Variants in TMCC2 observed in about 807,000 individuals in gnomAD.
TMCC2 encodes transmembrane and coiled-coil domains protein 2.
A neutral mutation model predicts 49.4 loss-of-function variants in TMCC2; 16 were observed. The observed-to-expected ratio is 0.32, with a 90% CI of 0.22 to 0.49. The LOEUF is 0.49. TMCC2 is among the 20% of genes least tolerant of loss of function. TMCC2 has a pLI of 0.99. For missense variants in TMCC2, 762 were observed against 989.8 expected, an observed-to-expected ratio of 0.77 and a Z score of 3.09; for synonymous variants, 397 against 434.1, an observed-to-expected ratio of 0.91 and a Z score of 1.06.
chr1:205,241,420 G>C lies in TMCC2; in HGVS notation c.208-85G>C. On this transcript the variant is annotated intron_variant, in intron 1 of 4. Transcript: ENST00000358024. This position sits in a 1 kb window ranked among gnomAD's most constrained non-coding sequence, Gnocchi z 7.3. ...GCATTAGCTATGCCAGTCTACCAAG[G>C]ACAGACCCTTCACCTTCACCCTCCT... 3 of 1,421,360 alleles carry C rather than the reference G, an allele frequency of 2.1e-6. No individual in the cohort carries two copies. The highest frequency in any genetic ancestry group is 2.9e-6 in the Non-Finnish European group (3 of 1,034,192). 88.0% of individuals were successfully genotyped at this position (1,421,360 alleles called of 1,614,324 possible).
chr1:205,254,398 T>C (rs1264272266), intron 2 of TMCC2, among the ~76,000 whole-genome samples: 1 of 152,154 alleles, frequency 6.6e-6, no homozygotes, highest in East Asian at 1.9e-4. Context: ...ACAGGGCCTT[T>C]CCCACCATGC....
At chr1:205,230,373 C>CT (rs1412015238) in intron 1 of TMCC2, among the ~76,000 whole-genome samples, 1 of 152,198 alleles carries the variant, frequency 6.6e-6, no homozygotes, top group Non-Finnish European at 1.5e-5. Flanking sequence ...GATAGGCTCT[C>CT]TCTGCACAAG....
intron 2 of TMCC2, among the ~76,000 whole-genome samples, chr1:205,244,833 G>C (rs537929517): frequency 6.6e-6 from 1 of 152,180 alleles, no homozygotes; most frequent in East Asian, 1.9e-4. Context: ...GTGGAGAAAA[G>C]GAGATGGGGG....
At chr1:205,233,751 A>T (rs188988293) in intron 1 of TMCC2, 1 of 152,296 alleles carries the variant, frequency 6.6e-6, no homozygotes, top group Admixed American at 6.5e-5. Context: ...GAAAAAAAAA[A>T]ACTGACATTC....
intron 1 of TMCC2, chr1:205,230,312 C>T (rs12125276): frequency 0.31 from 119,142 of 385,386 alleles, 22,524 homozygotes; most frequent in Non-Finnish European, 0.36. Flanking sequence ...GTTCTGCCGC[C>T]GTCCTTTTCA....
intron 2 of TMCC2, chr1:205,246,838 G>A (rs1479324969): frequency 1.3e-6 from 1 of 791,638 alleles, no homozygotes; most frequent in Non-Finnish European, 2.0e-6. Context: ...TCCTGAGCAG[G>A]GGGAAGACGT....
At chr1:205,243,251 G>A (rs1416770929) in intron 2 of TMCC2, among the ~76,000 whole-genome samples, 2 of 152,216 alleles carry the variant, frequency 1.3e-5, no homozygotes, top group East Asian at 1.9e-4. Flanking sequence ...AGGCATGGTG[G>A]TGGGCGACTG....
At chr1:205,231,109 G>A (rs1037423027) in intron 1 of TMCC2, among the ~76,000 whole-genome samples, 1 of 150,714 alleles carries the variant, frequency 6.6e-6, no homozygotes, top group African/African-American at 2.4e-5. Flanking sequence ...AAACAAGCAG[G>A]GCTTTTCCTG....
chr1:205,241,599 C>A lies in TMCC2; in HGVS notation c.302C>A (p.Thr101Lys). The A allele has an allele frequency of 6.2e-7, 1 of 1,613,990 alleles. No homozygotes were observed. Reference protein sequence around the residue: ...RRRSREREHQTSQDSQQHQQQ... With the variant: ...RRRSREREHQKSQDSQQHQQQ... ...CGGTCTCGGGAAAGGGAGCACCAGA[C>A]GTCTCAGGATTCCCAGCAGCATCAG... The change falls in exon 2 of 5, where the codon ACG (threonine) becomes AAG (lysine). Residue 101 changes from threonine to lysine, a missense_variant. By Grantham distance (78) the Thr-to-Lys change is moderately conservative. Coordinates refer to ENST00000358024, the MANE Select transcript of TMCC2 (RefSeq NM_014858.4). The surrounding 1 kb of genome is among the most constrained non-coding windows in gnomAD (Gnocchi z 7.3).
At chr1:205,229,559 T>TGGGGGGGGGG (rs1659706107) in intron 1 of TMCC2, 2 of 189,972 alleles carry the variant, frequency 1.1e-5, no homozygotes, top group Non-Finnish European at 1.2e-5. Context: ...GGGGGGGGGG[T>TGGGGGGGGGG]GGTGGCGGGG....
chr1:205,230,200 T>C, intron 1 of TMCC2: 1 of 982,784 alleles, frequency 1.0e-6, no homozygotes, highest in Non-Finnish European at 1.2e-6. Context: ...CTGTGTATGT[T>C]ACCTGTCTGT....
Position 205,228,499 on chromosome 1 carries a change from G to A in TMCC2, c.-66G>A. On this transcript the variant is annotated 5_prime_UTR_variant, in exon 1 of 5. Transcript: ENST00000358024. ...CCCAGGCCTCATATGAATATAAGAG[G>A]GGGTGCGGTCTTCCCCAAGACGGCG... 1 of 1,397,682 alleles carries A rather than the reference G, an allele frequency of 7.2e-7. No homozygotes were observed. Among genetic ancestry groups the A allele is most frequent in the Non-Finnish European group, 9.9e-7 (1 of 1,013,562 alleles). 86.6% of individuals were successfully genotyped at this position (1,397,682 alleles called of 1,614,324 possible).
intron 2 of TMCC2, among the ~76,000 whole-genome samples, chr1:205,246,036 C>T (rs1056487261): frequency 2.0e-5 from 3 of 151,982 alleles, no homozygotes; most frequent in Non-Finnish European, 2.9e-5. Flanking sequence ...CTCAGCCTCC[C>T]GAAGTGCTGT....
At chr1:205,258,166 C>T (rs570903956) in intron 2 of TMCC2, among the ~76,000 whole-genome samples, 417 of 152,228 alleles carry the variant, frequency 2.7e-3, no homozygotes, top group Non-Finnish European at 4.8e-3. Context: ...TAATAGGCAG[C>T]TGGCTCTGCA....
At chr1:205,262,557 G>A (rs973042923) in intron 2 of TMCC2, among the ~76,000 whole-genome samples, 2 of 152,326 alleles carry the variant, frequency 1.3e-5, no homozygotes, top group African/African-American at 2.4e-5. Flanking sequence ...AGGATGGGGG[G>A]ATGTCTGCTA....
rs1325732295 is a variant in TMCC2 at position 205,228,534 on chromosome 1, G to C, written c.-31G>C. 1.1e-5 allele frequency: 18 copies of C among 1,574,850 alleles called. No individual in the cohort carries two copies. Among genetic ancestry groups the C allele is most frequent in the Non-Finnish European group, 1.6e-5 (18 of 1,154,320 alleles). ...CTTCCCCAAGACGGCGCGCTGGAAG[G>C]ACAGATTCCCCTTGCCGACCCACAT... is the stretch of plus-strand genomic sequence containing the variant. On this transcript the variant is annotated 5_prime_UTR_variant, in exon 1 of 5. Coordinates refer to ENST00000358024, the MANE Select transcript of TMCC2 (RefSeq NM_014858.4).
intron 1 of TMCC2, among the ~76,000 whole-genome samples, chr1:205,233,247 C>A (rs956576697): frequency 4.6e-5 from 7 of 152,160 alleles, no homozygotes. Context: ...CACAAAAGCC[C>A]CTTTAAGTAA....
chr1:205,263,380 C>G (rs1367216868), intron 2 of TMCC2, among the ~76,000 whole-genome samples: 1 of 152,142 alleles, frequency 6.6e-6, no homozygotes, highest in Non-Finnish European at 1.5e-5. Flanking sequence ...TTTCCTTGCT[C>G]TCTCAGGGTG....
intron 2 of TMCC2, among the ~76,000 whole-genome samples, chr1:205,256,809 T>C (rs187523540): frequency 2.3e-3 from 350 of 152,244 alleles, no homozygotes; most frequent in African/African-American, 7.8e-3. Context: ...CCATTCCGAA[T>C]CCATGAGACT....
Sources: allele counts gnomAD v4.1 joint callset (sites outside exome capture counted in the v4.1 genomes callset), GRCh38; gene constraint gnomAD v4.1.1; non-coding constraint Gnocchi (gnomAD v3.1); transcripts MANE v1.5; gene names NCBI Gene and HGNC (gene_info 2026-07-23, HGNC 2026-07-21).